The following NKAIN3 variants were observed in gnomAD, a reference collection of about 807,000 sequenced individuals.
The protein encoded by NKAIN3 is sodium/potassium transporting ATPase interacting 3, also known as sodium/potassium-transporting ATPase subunit beta-1-interacting protein 3.
NKAIN3 carries 25 observed loss-of-function variants against 30.2 expected under a neutral mutation model. That is an observed-to-expected ratio of 0.83 (90% CI 0.60 to 1.16). The LOEUF is 1.16. Among genes scored for constraint, NKAIN3 ranks in the 50% most tolerant of loss-of-function variants. NKAIN3 has a pLI of 0.00. For synonymous variants in NKAIN3, 91 were observed against 89.6 expected (o/e 1.02, Z -0.09); for missense variants, 225 against 254.1 (o/e 0.89, Z 0.78).
intron 4 of NKAIN3, among the ~76,000 whole-genome samples, chr8:62,836,758 G>T (rs903375752): frequency 6.6e-6 from 1 of 152,074 alleles, no homozygotes; most frequent in African/African-American, 2.4e-5. Context: ...ATATCTTCTT[G>T]AAGTCCATGC....
At chr8:62,429,729 T>A (rs879216171) in intron 1 of NKAIN3, among the ~76,000 whole-genome samples, 1 of 151,940 alleles carries the variant, frequency 6.6e-6, no homozygotes, top group Admixed American at 6.6e-5. Flanking sequence ...CATTAATGTT[T>A]CACATCAGCA....
chr8:62,471,717 G>T (rs576896517), intron 1 of NKAIN3, among the ~76,000 whole-genome samples: 1 of 152,236 alleles, frequency 6.6e-6, no homozygotes, highest in East Asian at 1.9e-4. Flanking sequence ...AACTTGGGGA[G>T]GCCAAGGAGG....
Position 62,990,387 on chromosome 8 carries a change from T to C in NKAIN3, c.533-8844T>C, listed in dbSNP as rs866875976. 2.4e-5 allele frequency: 30 copies of C among 1,228,500 alleles called. No homozygotes were observed. The Middle Eastern group carries it at 7.7e-4, about 31-fold the overall frequency. 76.1% of individuals were successfully genotyped at this position (1,228,500 alleles called of 1,614,324 possible). On this transcript the variant is annotated intron_variant, in intron 5 of 5. Coordinates refer to the NKAIN3 transcript ENST00000519049. ...AGTGCAGTCTAATATATAAATTTTA[T>C]GAAAAGCATAGGTTTTTTTTTAACC...
At chr8:62,305,041 G>A (rs1055957223) in intron 1 of NKAIN3, among the ~76,000 whole-genome samples, 1 of 150,520 alleles carries the variant, frequency 6.6e-6, no homozygotes, top group African/African-American at 2.5e-5. Flanking sequence ...CTGGTTTAAA[G>A]ATCAGAAGGA....
intron 3 of NKAIN3, among the ~76,000 whole-genome samples, chr8:62,683,022 T>A (rs961917373): frequency 2.5e-5 from 3 of 121,900 alleles, no homozygotes; most frequent in Non-Finnish European, 3.7e-5. Context: ...TGTTTGTTTG[T>A]TTTTTTGTTT....
intron 5 of NKAIN3, among the ~76,000 whole-genome samples, chr8:62,934,175 A>G (rs1822710126): frequency 1.3e-5 from 2 of 152,184 alleles, no homozygotes; most frequent in African/African-American, 2.4e-5. Flanking sequence ...TCTTGAGGCC[A>G]GAAGCTTGAG....
intron 1 of NKAIN3, among the ~76,000 whole-genome samples, chr8:62,434,832 A>T (rs932888899): frequency 6.6e-6 from 1 of 152,178 alleles, no homozygotes; most frequent in Non-Finnish European, 1.5e-5. Flanking sequence ...ATGCACTTGT[A>T]AATTAAGGAG....
chr8:62,343,189 C>T (rs1815808500), intron 1 of NKAIN3, among the ~76,000 whole-genome samples: 1 of 152,008 alleles, frequency 6.6e-6, no homozygotes, highest in South Asian at 2.1e-4. Flanking sequence ...TGTGACATAG[C>T]TCCTGGGCTA....
intron 4 of NKAIN3, among the ~76,000 whole-genome samples, chr8:62,908,593 T>C (rs1224945367): frequency 2.0e-5 from 3 of 152,178 alleles, no homozygotes; most frequent in Non-Finnish European, 2.9e-5. Context: ...GTTCTCATGA[T>C]AGTGAATAAG....
chr8:62,538,913 C>T (rs1808752486), intron 1 of NKAIN3, among the ~76,000 whole-genome samples: 1 of 152,156 alleles, frequency 6.6e-6, no homozygotes, highest in South Asian at 2.1e-4. Context: ...ATCCCCTTAC[C>T]TTATTTCATT....
chr8:62,263,540 C>G (rs1812511550), intron 1 of NKAIN3, among the ~76,000 whole-genome samples: 1 of 152,148 alleles, frequency 6.6e-6, no homozygotes, highest in Non-Finnish European at 1.5e-5. Flanking sequence ...GTACTGCAGG[C>G]TGACCTCATG....
chr8:62,840,784 G>A (rs1044219643), intron 4 of NKAIN3, among the ~76,000 whole-genome samples: 2 of 152,070 alleles, frequency 1.3e-5, no homozygotes, highest in Non-Finnish European at 2.9e-5. Flanking sequence ...CAAAGGAAGG[G>A]GAAAATGTCT....
At chr8:62,839,081 C>T (rs1217896688) in intron 4 of NKAIN3, among the ~76,000 whole-genome samples, 2 of 152,004 alleles carry the variant, frequency 1.3e-5, no homozygotes, top group African/African-American at 4.8e-5. Flanking sequence ...ACAGCTATCT[C>T]TCTAATAGGC....
At chr8:62,778,635 C>A (rs4524781) in intron 4 of NKAIN3, among the ~76,000 whole-genome samples, 13,896 of 152,086 alleles carry the variant, frequency 0.091, 657 homozygotes, top group African/African-American at 0.1. Context: ...AGAACAGGAC[C>A]AGAAATGCTT....
At chr8:62,827,122 G>T (rs895153941) in intron 4 of NKAIN3, among the ~76,000 whole-genome samples, 2 of 152,206 alleles carry the variant, frequency 1.3e-5, no homozygotes, top group African/African-American at 4.8e-5. Context: ...TCAATAAAGA[G>T]ATAGGAGCTT....
chr8:62,652,514 TTTTC>T (rs1315779700), intron 3 of NKAIN3, among the ~76,000 whole-genome samples: 2 of 152,170 alleles, frequency 1.3e-5, no homozygotes, highest in African/African-American at 4.8e-5. Context: ...TCATTCCCAT[TTTTC>T]TTTATTAGAC....
At chr8:62,365,113 T>C (rs950735747) in intron 1 of NKAIN3, among the ~76,000 whole-genome samples, 3 of 152,168 alleles carry the variant, frequency 2.0e-5, no homozygotes, top group African/African-American at 7.2e-5. Context: ...TGCCTTCTTA[T>C]TACAACTTAC....
chr8:62,422,104 A>G (rs543239224), intron 1 of NKAIN3, among the ~76,000 whole-genome samples: 1 of 152,226 alleles, frequency 6.6e-6, no homozygotes, highest in South Asian at 2.1e-4. Flanking sequence ...AAACTAAAAT[A>G]TGTCAAGTTA....
At chr8:62,991,541 G>C (rs1824320581) in intron 5 of NKAIN3, among the ~76,000 whole-genome samples, 1 of 152,204 alleles carries the variant, frequency 6.6e-6, no homozygotes, top group Non-Finnish European at 1.5e-5. Flanking sequence ...ATAATAATCT[G>C]ACATTAGTCA....
Sources: allele counts gnomAD v4.1 joint callset (sites outside exome capture counted in the v4.1 genomes callset), GRCh38; gene constraint gnomAD v4.1.1; transcripts MANE v1.5; gene names NCBI Gene and HGNC (gene_info 2026-07-23, HGNC 2026-07-21).